The following ZSCAN5A variants were observed in gnomAD, a reference collection of about 807,000 sequenced individuals.
ZSCAN5A encodes zinc finger and SCAN domain-containing protein 5A.
ZSCAN5A carries 12 observed loss-of-function variants against 23.7 expected under a neutral mutation model. That is an observed-to-expected ratio of 0.51 (90% CI 0.32 to 0.82). The LOEUF (loss-of-function observed/expected upper bound fraction) is 0.82, where lower values mean the gene tolerates loss of function less well. Among genes scored for constraint, ZSCAN5A ranks in the 40% least tolerant of loss-of-function variants. The pLI, the probability that ZSCAN5A is intolerant of heterozygous loss-of-function variation, is 0.03. For missense variants in ZSCAN5A, 597 were observed against 617.9 expected (o/e 0.97, Z 0.36); for synonymous variants, 257 against 239.9 (o/e 1.07, Z -0.66).
intron 2 of ZSCAN5A, among the ~76,000 whole-genome samples, chr19:56,291,242 C>T: frequency 6.6e-6 from 1 of 152,212 alleles, no homozygotes; most frequent in South Asian, 2.1e-4. Context: ...AAGCTCCCTC[C>T]TGACCCTCGG....
chr19:56,244,001 A>C, intron 2 of ZSCAN5A: 1 of 716,644 alleles, frequency 1.4e-6, no homozygotes, highest in Non-Finnish European at 2.4e-6. Context: ...CAGCTACTGG[A>C]AGAACTTTCT....
intron 2 of ZSCAN5A, among the ~76,000 whole-genome samples, chr19:56,323,341 A>G (rs2041398993): frequency 6.6e-6 from 1 of 151,964 alleles, no homozygotes; most frequent in Non-Finnish European, 1.5e-5. Context: ...GACTAGGTGC[A>G]TAGTTTATTT....
At chr19:56,318,682 TAAC>T (rs1030211407), upstream of ZSCAN5A, among the ~76,000 whole-genome samples, 5 of 152,180 alleles carry the variant, frequency 3.3e-5, no homozygotes, top group African/African-American at 1.2e-4. Flanking sequence ...AAATCAATGA[TAAC>T]ACCGTATATT....
chr19:56,243,909 T>C (rs1600072269), intron 2 of ZSCAN5A: 1 of 507,882 alleles, frequency 2.0e-6, no homozygotes, highest in East Asian at 3.0e-5. Flanking sequence ...GGCTCATGTT[T>C]TTTTTTGCAG....
intron 2 of ZSCAN5A, among the ~76,000 whole-genome samples, chr19:56,327,429 T>C (rs1224671031): frequency 6.6e-6 from 1 of 151,030 alleles, no homozygotes; most frequent in Non-Finnish European, 1.5e-5. Context: ...GCAATGATTT[T>C]AATTATAAAT....
Position 56,351,758 on chromosome 19 carries a change from T to G in ZSCAN5A, c.-358+11477A>C, listed in dbSNP as rs1014341823. 6.6e-6 allele frequency among the ~76,000 whole-genome samples: 1 copy of G among 152,186 alleles called. No individual in the cohort carries two copies. The highest frequency in any genetic ancestry group is 2.4e-5 in the African/African-American group (1 of 41,438). On this transcript the variant is annotated intron_variant, in intron 2 of 6. Coordinates refer to the ZSCAN5A transcript ENST00000587340. This position sits in a 1 kb window ranked among gnomAD's most constrained non-coding sequence, Gnocchi z 4.8. The stretch of plus-strand genomic sequence containing the variant: ...CTGCTCTGTCCCAATGTCTCCATCC[T>G]TTGCATCTTAACCTGTCGCAGAACA...
chr19:56,226,583 T>C (rs199698735), intron 2 of ZSCAN5A, among the ~76,000 whole-genome samples: 6,878 of 151,522 alleles, frequency 0.045, 362 homozygotes, highest in East Asian at 0.29. Context: ...GGTGAGGATT[T>C]GGGGGAAAGG....
At chr19:56,232,086 T>C (rs773877942) in intron 2 of ZSCAN5A, among the ~76,000 whole-genome samples, 30 of 149,198 alleles carry the variant, frequency 2.0e-4, no homozygotes, top group Non-Finnish European at 3.6e-4. Context: ...TTCTCAGCCT[T>C]AAGTGAACCT....
chr19:56,313,572 G>A (rs10445590), intron 1 of ZSCAN5A, among the ~76,000 whole-genome samples, 188 bp from the exon 2 acceptor site: 3,365 of 152,306 alleles, frequency 0.022, 56 homozygotes, highest in Non-Finnish European at 0.03. Flanking sequence ...CCGTAGGTAA[G>A]TTAGGCAAAA....
At chr19:56,321,901 T>A in intron 2 of ZSCAN5A, 1 of 784,426 alleles carries the variant, frequency 1.3e-6, no homozygotes, top group Non-Finnish European at 2.4e-6. Flanking sequence ...GGGCTTCTGT[T>A]ACCATCCGGT....
chr19:56,237,465 A>G (rs10420747), intron 2 of ZSCAN5A, among the ~76,000 whole-genome samples: 107,680 of 151,996 alleles, frequency 0.71, 38,425 homozygotes, highest in East Asian at 0.77. Flanking sequence ...GTACGTGTTC[A>G]GGGCGGGTTT....
intron 2 of ZSCAN5A, chr19:56,297,980 C>T (rs2039986415): frequency 6.6e-6 from 1 of 150,452 alleles, no homozygotes; most frequent in Admixed American, 6.7e-5. Context: ...GAGGCTGAGG[C>T]AGGAGGATTA....
At chr19:56,319,692 G>A, upstream of ZSCAN5A, 1 of 597,326 alleles carries the variant, frequency 1.7e-6, no homozygotes, top group Non-Finnish European at 3.0e-6. Context: ...TGTCCTTAAA[G>A]GAACTTCATT....
chr19:56,339,008 G>T (rs1031409836), intron 2 of ZSCAN5A, among the ~76,000 whole-genome samples: 5 of 152,252 alleles, frequency 3.3e-5, no homozygotes, highest in Non-Finnish European at 7.3e-5. Context: ...TCTAAATGGG[G>T]AGAAATACAG....
At chr19:56,307,566 C>T (rs1315067113) in intron 2 of ZSCAN5A, among the ~76,000 whole-genome samples, 2 of 152,194 alleles carry the variant, frequency 1.3e-5, no homozygotes, top group Non-Finnish European at 2.9e-5. Context: ...TGCTGTCTTA[C>T]GTTACTCTCT....
chr19:56,323,965 CCTTT>C (rs1195192530), intron 2 of ZSCAN5A, among the ~76,000 whole-genome samples: 3 of 152,182 alleles, frequency 2.0e-5, no homozygotes, highest in South Asian at 2.1e-4. Context: ...AAACCTGCAC[CCTTT>C]CTTTATGTTG....
intron 2 of ZSCAN5A, among the ~76,000 whole-genome samples, chr19:56,268,700 C>T (rs761617500): frequency 9.2e-5 from 14 of 152,224 alleles, no homozygotes; most frequent in Admixed American, 4.6e-4. Flanking sequence ...AGTGCATTCT[C>T]GATGTTGTTC....
intron 3 of ZSCAN5A, 100 bp downstream of exon 3, chr19:56,224,557 AAGCCCT>A (rs2033703653): frequency 7.2e-7 from 1 of 1,390,596 alleles, no homozygotes; most frequent in African/African-American, 1.4e-5. Context: ...CTCTACTTGG[AAGCCCT>A]GACCTAGAGC....
intron 2 of ZSCAN5A, among the ~76,000 whole-genome samples, chr19:56,269,081 T>A (rs2037664182): frequency 6.6e-6 from 1 of 152,224 alleles, no homozygotes; most frequent in Non-Finnish European, 1.5e-5. Context: ...AGTGTCGCTG[T>A]GAACATTCGT....
Sources: gnomAD v4.1 joint callset for allele counts (sites outside exome capture counted in the v4.1 genomes callset) on GRCh38, gnomAD v4.1.1 for gene constraint, Gnocchi (gnomAD v3.1) non-coding constraint, MANE v1.5 for transcripts, NCBI Gene and HGNC (gene_info 2026-07-23, HGNC 2026-07-21) for gene names.